Variants in KDM6B observed in about 807,000 individuals in gnomAD.
The protein encoded by KDM6B is lysine demethylase 6B.
A neutral mutation model predicts 150.4 loss-of-function variants in KDM6B; 22 were observed. The observed-to-expected ratio is 0.15, with a 90% CI of 0.10 to 0.21. KDM6B has a LOEUF of 0.21. Among genes scored for constraint, KDM6B ranks in the 10% least tolerant of loss-of-function variants. The probability of loss-of-function intolerance (pLI) is 1.00; values close to 1 mark genes in which losing one functional copy is unlikely to be tolerated. For synonymous variants in KDM6B, 1,148 were observed against 921.1 expected (o/e 1.25, Z -4.46); for missense variants, 1,984 against 2,234.3 (o/e 0.89, Z 2.26).
rs1597834070 is a variant in KDM6B at position 7,845,974 on chromosome 17, A to G, written c.236+4A>G. The G allele has an allele frequency of 2.5e-6, 4 of 1,613,058 alleles. No individual in the cohort carries two copies. In the East Asian group the frequency reaches 8.9e-5, roughly 36 times the overall value. On this transcript the variant is annotated splice_donor_region_variant and intron_variant, in intron 6 of 23. Coordinates refer to ENST00000448097, the MANE Select transcript of KDM6B (RefSeq NM_001348716.2). Reference sequence around the variant, plus strand: ...GCAAACCATATTATGCTCCAGGGTGAGTGGATATTTGAAGGTTCTGGGAGT... The same window carrying G: ...GCAAACCATATTATGCTCCAGGGTGGGTGGATATTTGAAGGTTCTGGGAGT...
intron 1 of KDM6B, among the ~76,000 whole-genome samples, chr17:7,835,170 GCAGCGCAGAAGA>G (rs991363008): frequency 3.3e-5 from 5 of 152,148 alleles, no homozygotes; most frequent in Non-Finnish European, 7.4e-5. Flanking sequence ...GCAGGAGGTC[GCAGCGCAGAAGA>G]CGGGGAGGGG....
Position 7,845,417 on chromosome 17 carries a change from G to A in KDM6B, c.-45G>A. The A allele has an allele frequency of 1.9e-6, 2 of 1,079,892 alleles. No individual in the cohort carries two copies. The highest frequency in any genetic ancestry group is 2.4e-5 in the East Asian group (1 of 42,054). 66.9% of individuals were successfully genotyped at this position (1,079,892 alleles called of 1,614,324 possible). ...TCCCAGAGAGCTGGGGCAGGGGGCC[G>A]TGCCCAATCTCCAGGGCTCCTGGGG... On this transcript the variant is annotated 5_prime_UTR_variant, in exon 4 of 24. It adds an upstream start codon to the 5' untranslated region. Coordinates refer to ENST00000448097, the MANE Select transcript of KDM6B (RefSeq NM_001348716.2).
chr17:7,849,464 C>T lies in KDM6B; in HGVS notation c.3176C>T (p.Ser1059Phe). ...GCCCCTCCATCAGCTCCTGCACCTT[C>T]TGCCCAGCCCACACCCCCGTCAGCC... is the stretch of plus-strand genomic sequence containing the variant. ...APAPPSAPAP[S>F]AQPTPPSASV... Residue 1059 changes from serine to phenylalanine, a missense_variant, in exon 12 of 24, where the codon TCT becomes TTT. Coordinates refer to ENST00000448097, the MANE Select transcript of KDM6B (RefSeq NM_001348716.2). 6.2e-7 allele frequency: 1 copy of T among 1,612,768 alleles called. No individual in the cohort carries two copies. The highest frequency in any genetic ancestry group is 8.5e-7 in the Non-Finnish European group (1 of 1,179,902).
chr17:7,847,119 G>C lies in KDM6B; in HGVS notation c.924G>C (p.Ser308=), dbSNP rs754234408. The C allele has an allele frequency of 5.0e-6, 8 of 1,611,288 alleles. No individual in the cohort carries two copies. The highest frequency in any genetic ancestry group is 6.8e-6 in the Non-Finnish European group (8 of 1,179,778). ...APPERQEQRH[S]LPHPYPYPAP... Reference sequence around the variant, plus strand: ...ATCTCCTATAGGAGCAGCGGCACTCGCTGCCTCACCCATATCCATACCCAG... The same window carrying C: ...ATCTCCTATAGGAGCAGCGGCACTCCCTGCCTCACCCATATCCATACCCAG... Residue 308 remains serine, a synonymous_variant, in exon 11 of 24, where the codon TCG becomes TCC. Transcript: ENST00000448097.
intron 2 of KDM6B, among the ~76,000 whole-genome samples, chr17:7,842,907 G>C (rs985636806): frequency 6.6e-6 from 1 of 152,138 alleles, no homozygotes. Flanking sequence ...CCTGGGTCCC[G>C]GGTGCGGACA....
chr17:7,840,836 C>A (rs1389553488), intron 2 of KDM6B, among the ~76,000 whole-genome samples: 2 of 152,116 alleles, frequency 1.3e-5, no homozygotes, highest in African/African-American at 4.8e-5. Flanking sequence ...TTATGAAGAA[C>A]CTATGACTTC....
In KDM6B at chr17:7,840,011, C is replaced by A. The variant is rs1451929998; in HGVS notation, c.-282C>A. The A allele has an allele frequency of 5.9e-5, 9 of 152,618 alleles. No individual in the cohort carries two copies. Among genetic ancestry groups the A allele is most frequent in the Admixed American group, 5.2e-4 (8 of 15,284 alleles). The allele number at this position is 152,618 out of a possible 1,614,324, so 9.5% of individuals were successfully genotyped here. On this transcript the variant is annotated 5_prime_UTR_variant, in exon 2 of 24. Coordinates refer to ENST00000448097, the MANE Select transcript of KDM6B (RefSeq NM_001348716.2). ...GGTGGTTCCAATGAGACAGGGCACA[C>A]CAAACTCCATCTGGTAAGTCCTGTC...
At chr17:7,842,251 C>T (rs988484391) in intron 2 of KDM6B, among the ~76,000 whole-genome samples, 1 of 152,082 alleles carries the variant, frequency 6.6e-6, no homozygotes, top group South Asian at 2.1e-4. Context: ...GTTAAAGTCC[C>T]GAGTCCAGGG....
Position 7,851,337 on chromosome 17 carries a change from A to G in KDM6B, c.3887A>G (p.Lys1296Arg). 1 of 1,614,084 alleles carries G rather than the reference A, an allele frequency of 6.2e-7. No individual in the cohort carries two copies. The highest frequency in any genetic ancestry group is 8.5e-7 in the Non-Finnish European group (1 of 1,179,994). ...SSFQESLQEE[K>R]ESEDEESEEP... is the part of the protein sequence containing the mutation. ...TACCCTCTGGCTGAACAGGAGGAGA[A>G]GGAGAGTGAGGATGAGGAGTCAGAG... The change falls in exon 16 of 24, where the codon AAG becomes AGG. Residue 1296 changes from lysine (K) to arginine (R), a missense_variant. Around this residue, in one of 13 missense-constraint regions of KDM6B, gnomAD observed 41 missense variants for 38.4 expected, o/e 1.07. Transcript: ENST00000448097.
chr17:7,846,244 C>G lies in KDM6B; in HGVS notation c.403C>G (p.Arg135Gly). Residue 135 changes from arginine to glycine, a missense_variant, in exon 7 of 24, where the codon CGA becomes GGA. Around this residue, in one of 13 missense-constraint regions of KDM6B, gnomAD observed 337 missense variants for 323.9 expected, o/e 1.04. Coordinates refer to ENST00000448097, the MANE Select transcript of KDM6B (RefSeq NM_001348716.2). ...EATRCYHSALRYGGSFAELGP... is the reference protein window; with the variant it reads ...EATRCYHSALGYGGSFAELGP... Reference sequence around the variant, plus strand: ...CACACGCTGCTACCACAGCGCCCTTCGATACGGAGGAAGCTTCGCTGAGCT... The same window carrying G: ...CACACGCTGCTACCACAGCGCCCTTGGATACGGAGGAAGCTTCGCTGAGCT... The G allele has an allele frequency of 6.2e-7, 1 of 1,614,008 alleles. No individual in the cohort carries two copies. Among genetic ancestry groups the G allele is most frequent in the Non-Finnish European group, 8.5e-7 (1 of 1,179,992 alleles).
At position 7,848,664 on chromosome 17, in the gene KDM6B, A is replaced by G; in HGVS notation, c.2376A>G (p.Pro792=). The G allele has an allele frequency of 6.2e-7, 1 of 1,605,958 alleles. No individual in the cohort carries two copies. The change falls in exon 12 of 24, where the codon CCA becomes CCG. Residue 792 remains proline, a synonymous_variant. Transcript: ENST00000448097. ...TCCCTCCACCCTCTCAGCCACAGCCACCACCACCCCCACCCCCCAGCCCGG... is the reference window on the plus strand; with the variant it reads ...TCCCTCCACCCTCTCAGCCACAGCCGCCACCACCCCCACCCCCCAGCCCGG... The part of the protein sequence containing the change: ...AKFPPPSQPQ[P]PPPPPPSPAS...
chr17:7,847,260 C>T lies in KDM6B; in HGVS notation c.1065C>T (p.Pro355=), dbSNP rs372981180. ...ATGGCTGCCTGCCTGCCACCCGTCC[C>T]CCCGGAAGTGACCTTAGAGAGAGCA... ...ESHGCLPATR[P]PGSDLRESRV... is the part of the protein sequence containing the mutation. The change falls in exon 11 of 24, where the codon CCC becomes CCT. Residue 355 remains proline, a synonymous_variant. Transcript: ENST00000448097. 6.9e-6 allele frequency: 11 copies of T among 1,603,876 alleles called. No homozygotes were observed. In the African/African-American group the frequency reaches 9.4e-5, roughly 14 times the overall value.
At chr17:7,851,903 C>A in intron 18 of KDM6B, 48 bp from the exon 19 acceptor site, 1 of 1,604,548 alleles carries the variant, frequency 6.2e-7, no homozygotes, top group Non-Finnish European at 8.5e-7. Flanking sequence ...TATCGGGGAT[C>A]GCAGTTCCGA....
At chr17:7,845,998 G>A in intron 6 of KDM6B, 28 bp downstream of exon 6, 1 of 1,609,676 alleles carries the variant, frequency 6.2e-7, no homozygotes, top group Non-Finnish European at 8.5e-7. Context: ...GGTTCTGGGA[G>A]TGGGAGGTAA....
At chr17:7,852,697 C>T (rs1246336811) in intron 21 of KDM6B, 61 bp downstream of exon 21, 62 of 1,603,416 alleles carry the variant, frequency 3.9e-5, no homozygotes, top group Admixed American at 5.0e-5. Flanking sequence ...CTTGTTCTTC[C>T]TGTCTGACTC....
chr17:7,846,371 G>GGGGGGGGCCCGGGGGCCC, intron 7 of KDM6B, 29 bp from the exon 8 acceptor site: 1 of 1,488,914 alleles, frequency 6.7e-7, no homozygotes. Context: ...CCTGACATCT[G>GGGGGGGGCCCGGGGGCCC]CCCCTGCCCC....
chr17:7,845,394 C>T lies in KDM6B; in HGVS notation c.-68C>T. 1.1e-6 allele frequency: 1 copy of T among 894,952 alleles called. No individual in the cohort carries two copies. Among genetic ancestry groups the T allele is most frequent in the Non-Finnish European group, 1.9e-6 (1 of 539,762 alleles). The allele number at this position is 894,952 out of a possible 1,614,324, so 55.4% of individuals were successfully genotyped here. Reference sequence around the variant, plus strand: ...GAGCGGCTGGAGCCGGACCATCGTCCCAGAGAGCTGGGGCAGGGGGCCGTG... The same window carrying T: ...GAGCGGCTGGAGCCGGACCATCGTCTCAGAGAGCTGGGGCAGGGGGCCGTG... On this transcript the variant is annotated 5_prime_UTR_variant, in exon 4 of 24. Transcript: ENST00000448097.
At position 7,848,066 on chromosome 17, in the gene KDM6B, A is replaced by T; in HGVS notation, c.1778A>T (p.Asn593Ile). The T allele has an allele frequency of 6.2e-7, 1 of 1,609,198 alleles. No homozygotes were observed. Among genetic ancestry groups the T allele is most frequent in the South Asian group, 1.1e-5 (1 of 90,832 alleles). The stretch of plus-strand genomic sequence containing the variant: ...CCCCGGCCTCCCAGCCCAGCACAGA[A>T]CCCCCAGGACCCACCTCTTGTACCC... ...PLPRPPSPAQ[N>I]PQDPPLVPLT... The change falls in exon 12 of 24, where the codon AAC becomes ATC. Residue 593 changes from asparagine (N) to isoleucine (I), a missense_variant. Asn to Ile is a moderately radical substitution (Grantham distance 149). Transcript: ENST00000448097.
chr17:7,852,855 C>G, intron 21 of KDM6B, 145 bp from the exon 22 acceptor site: 1 of 1,300,688 alleles, frequency 7.7e-7, no homozygotes, highest in Non-Finnish European at 1.1e-6. Flanking sequence ...TAACAGATGC[C>G]CAGGACAGAG....
Sources: allele counts gnomAD v4.1 joint callset (sites outside exome capture counted in the v4.1 genomes callset), GRCh38; gene constraint gnomAD v4.1.1; regional missense constraint gnomAD v4.1.1; transcripts MANE v1.5; gene names NCBI Gene and HGNC (gene_info 2026-07-23, HGNC 2026-07-21).